The following SPTLC2 variants were observed in gnomAD, a reference collection of about 807,000 sequenced individuals.
SPTLC2 encodes the protein serine palmitoyltransferase 2.
SPTLC2 carries 21 observed loss-of-function variants against 62.0 expected under a neutral mutation model. That is an observed-to-expected ratio of 0.34 (90% CI 0.24 to 0.49). SPTLC2 has a LOEUF of 0.49. SPTLC2 is among the 20% of genes least tolerant of loss of function. The pLI is 0.99. For synonymous variants in SPTLC2, 261 were observed against 261.8 expected, an observed-to-expected ratio of 1.00 and a Z score of 0.03; for missense variants, 511 against 713.0, an observed-to-expected ratio of 0.72 and a Z score of 3.23.
intron 2 of SPTLC2, among the ~76,000 whole-genome samples, chr14:77,583,197 CTCAA>C (rs1024993951): frequency 4.6e-5 from 3 of 65,854 alleles, no homozygotes; most frequent in African/African-American, 1.3e-4. Flanking sequence ...GAAAAGCTGT[CTCAA>C]TAAATAAATA....
intron 9 of SPTLC2, among the ~76,000 whole-genome samples, chr14:77,536,230 A>G (rs1262355281): frequency 6.6e-6 from 1 of 152,202 alleles, no homozygotes; most frequent in African/African-American, 2.4e-5. Context: ...TGATGGTTGC[A>G]CAGCACTGGA....
chr14:77,611,783 G>A (rs1356787898), intron 1 of SPTLC2, among the ~76,000 whole-genome samples: 11 of 150,560 alleles, frequency 7.3e-5, no homozygotes, highest in South Asian at 2.1e-4. Context: ...CTGAGATGGC[G>A]CCACTGCACT....
intron 9 of SPTLC2, among the ~76,000 whole-genome samples, chr14:77,534,783 C>T (rs1429084847): frequency 6.6e-6 from 1 of 152,126 alleles, no homozygotes; most frequent in Non-Finnish European, 1.5e-5. Context: ...AGATATTGCT[C>T]TAGACCCTGG....
chr14:77,518,005 C>T (rs897714028), intron 11 of SPTLC2, 33 bp downstream of exon 11: 5 of 1,613,852 alleles, frequency 3.1e-6, no homozygotes, highest in Admixed American at 1.7e-5. Context: ...TAATAAAAGG[C>T]ATATTTATAT....
intron 4 of SPTLC2, among the ~76,000 whole-genome samples, chr14:77,575,593 A>ATGAT (rs2079710900): frequency 1.3e-5 from 2 of 152,188 alleles, no homozygotes; most frequent in Non-Finnish European, 2.9e-5. Flanking sequence ...GTGCAGTAGC[A>ATGAT]CGATCATAGC....
chr14:77,523,353 A>C, intron 9 of SPTLC2, among the ~76,000 whole-genome samples: 1 of 152,336 alleles, frequency 6.6e-6, no homozygotes, highest in South Asian at 2.1e-4. Flanking sequence ...GCTGCTGCAC[A>C]GGGAAGGAGG....
chr14:77,561,027 GA>G (rs35922322), intron 6 of SPTLC2, among the ~76,000 whole-genome samples: 49,857 of 149,410 alleles, frequency 0.33, 8,847 homozygotes, highest in African/African-American at 0.46. Flanking sequence ...AAATAAAAGT[GA>G]AAAAAAAAAA....
chr14:77,531,446 C>CTTCTTCTTTTCTTCTT (rs1566770725), intron 9 of SPTLC2, among the ~76,000 whole-genome samples: 1 of 103,702 alleles, frequency 9.6e-6, no homozygotes, highest in African/African-American at 5.6e-5. Flanking sequence ...TTCTTCTTCT[C>CTTCTTCTTTTCTTCTT]CTCCTTCTCC....
chr14:77,592,326 G>A (rs1566789842), intron 2 of SPTLC2, among the ~76,000 whole-genome samples: 1 of 151,596 alleles, frequency 6.6e-6, no homozygotes, highest in Non-Finnish European at 1.5e-5. Context: ...GTAGAGATGG[G>A]GTTTCATCAC....
intron 6 of SPTLC2, among the ~76,000 whole-genome samples, chr14:77,559,255 G>A (rs1434758119): frequency 3.3e-5 from 5 of 151,976 alleles, no homozygotes; most frequent in Admixed American, 6.6e-5. Flanking sequence ...CCCAGGAGAC[G>A]GAGGTTGCAG....
At chr14:77,534,773 A>G (rs2079460470) in intron 9 of SPTLC2, among the ~76,000 whole-genome samples, 1 of 152,208 alleles carries the variant, frequency 6.6e-6, no homozygotes, top group African/African-American at 2.4e-5. Flanking sequence ...ATGATGCACC[A>G]GATATTGCTC....
At chr14:77,558,249 T>C (rs986748240) in intron 6 of SPTLC2, among the ~76,000 whole-genome samples, 1 of 152,150 alleles carries the variant, frequency 6.6e-6, no homozygotes, top group Non-Finnish European at 1.5e-5. Context: ...TTTCACCATG[T>C]TGGCCAGGCT....
chr14:77,543,250 A>G (rs2079511085), intron 9 of SPTLC2, among the ~76,000 whole-genome samples: 1 of 152,064 alleles, frequency 6.6e-6, no homozygotes, highest in South Asian at 2.1e-4. Context: ...CGGTTTCACT[A>G]CTATGTTGGC....
At chr14:77,525,180 G>C (rs867894389) in intron 9 of SPTLC2, among the ~76,000 whole-genome samples, 13 of 152,260 alleles carry the variant, frequency 8.5e-5, no homozygotes, top group Middle Eastern at 3.4e-3. Context: ...TGGCTACTTG[G>C]GGGGCTGAGG....
chr14:77,552,068 G>A (rs764746118), intron 9 of SPTLC2, 28 bp downstream of exon 9: 1 of 1,613,102 alleles, frequency 6.2e-7, no homozygotes, highest in Non-Finnish European at 8.5e-7. Context: ...GTGGACTTAT[G>A]CAATGTTTCA....
intron 2 of SPTLC2, among the ~76,000 whole-genome samples, chr14:77,586,339 G>A (rs1010069428): frequency 5.9e-5 from 9 of 152,040 alleles, no homozygotes; most frequent in Non-Finnish European, 1.2e-4. Context: ...GCCTCCCAAA[G>A]TGTTGGGATT....
chr14:77,552,757 G>C (rs2140018278), intron 8 of SPTLC2, among the ~76,000 whole-genome samples: 1 of 149,082 alleles, frequency 6.7e-6, no homozygotes, highest in South Asian at 2.1e-4. Context: ...AGTGAGCTGA[G>C]ATTGCGCCAT....
intron 1 of SPTLC2, among the ~76,000 whole-genome samples, chr14:77,606,436 T>C (rs1183426211): frequency 6.6e-6 from 1 of 151,806 alleles, no homozygotes; most frequent in African/African-American, 2.4e-5. Flanking sequence ...GTTCACCTTC[T>C]TGCATCAGCA....
Position 77,516,468 on chromosome 14 carries a change from G to C in SPTLC2, c.1569+1570C>G, listed in dbSNP as rs1461200214. Among the ~76,000 whole-genome samples, 3 of 151,990 alleles carry C rather than the reference G, an allele frequency of 2.0e-5. No individual in the cohort carries two copies. The East Asian group carries it at 5.8e-4, about 29-fold the overall frequency. On this transcript the variant is annotated intron_variant, in intron 11 of 11. Coordinates refer to ENST00000216484, the MANE Select transcript of SPTLC2 (RefSeq NM_004863.4). ...GCACATTGAAATTCTGAGTTAACAG[G>C]TGAACATGAGAAAGAAAAAAGAAAA...
Sources: allele counts gnomAD v4.1 joint callset (sites outside exome capture counted in the v4.1 genomes callset), GRCh38; gene constraint gnomAD v4.1.1; transcripts MANE v1.5; gene names NCBI Gene and HGNC (gene_info 2026-07-23, HGNC 2026-07-21).